Variants in SLC22A24 observed in about 807,000 individuals in gnomAD.
SLC22A24 encodes steroid transmembrane transporter SLC22A24.
SLC22A24 carries 53 observed loss-of-function variants against 49.8 expected under a neutral mutation model. The observed-to-expected ratio is 1.06, with a 90% CI of 0.85 to 1.34. SLC22A24 has a LOEUF of 1.34. Among genes scored for constraint, SLC22A24 ranks in the 40% most tolerant of loss-of-function variants. The pLI, the probability that SLC22A24 is intolerant of heterozygous loss-of-function variation, is 0.00. For synonymous variants in SLC22A24, 302 were observed against 256.4 expected (o/e 1.18, Z -1.70); for missense variants, 786 against 675.9 (o/e 1.16, Z -1.81).
chr11:63,102,710 A>G (rs1462905735), intron 5 of SLC22A24, among the ~76,000 whole-genome samples: 1 of 152,162 alleles, frequency 6.6e-6, no homozygotes, highest in East Asian at 1.9e-4. Flanking sequence ...GAGAGGGAAG[A>G]AAACTCATAA....
intron 5 of SLC22A24, 165 bp downstream of exon 5, chr11:63,104,010 A>T (rs1043512295): frequency 1.8e-5 from 11 of 600,658 alleles, no homozygotes; most frequent in Non-Finnish European, 2.7e-5. Context: ...CAATATCTAT[A>T]TCCAAATCTT....
chr11:63,101,126 G>A (rs1263797322), intron 5 of SLC22A24, among the ~76,000 whole-genome samples: 2 of 152,036 alleles, frequency 1.3e-5, no homozygotes, highest in Non-Finnish European at 2.9e-5. Flanking sequence ...TGCAGAATGG[G>A]AGAAAATATT....
At chr11:63,103,870 C>A (rs974136744) in intron 5 of SLC22A24, among the ~76,000 whole-genome samples, 2 of 152,222 alleles carry the variant, frequency 1.3e-5, no homozygotes. Context: ...CCAGAGGGGA[C>A]CATGAGTCAG....
At chr11:63,124,987 A>G (rs946505413) in intron 2 of SLC22A24, among the ~76,000 whole-genome samples, 11 of 151,856 alleles carry the variant, frequency 7.2e-5, no homozygotes, top group Non-Finnish European at 1.6e-4. Flanking sequence ...TAGCATTAGG[A>G]GATATACCTA....
intron 6 of SLC22A24, among the ~76,000 whole-genome samples, chr11:63,093,494 A>G (rs1161084757): frequency 1.3e-5 from 2 of 152,216 alleles, no homozygotes; most frequent in East Asian, 3.8e-4. Flanking sequence ...CATATACACC[A>G]TGGAATACTA....
At chr11:63,084,539 C>G (rs1053422398) in intron 6 of SLC22A24, among the ~76,000 whole-genome samples, 1 of 152,084 alleles carries the variant, frequency 6.6e-6, no homozygotes, top group Non-Finnish European at 1.5e-5. Flanking sequence ...TTTCTTGCAT[C>G]ACAAGAAATG....
intron 6 of SLC22A24, among the ~76,000 whole-genome samples, chr11:63,095,203 C>T (rs932305634): frequency 1.3e-5 from 2 of 152,062 alleles, no homozygotes; most frequent in African/African-American, 4.8e-5. Context: ...TATGGCTAGC[C>T]AGTTGAAGTG....
intron 1 of SLC22A24, 119 bp from the exon 2 acceptor site, chr11:63,134,887 C>A: frequency 1.6e-6 from 1 of 610,448 alleles, no homozygotes; most frequent in Non-Finnish European, 2.9e-6. Flanking sequence ...GGTCCTGCCT[C>A]CCTCTCCAGC....
intron 4 of SLC22A24, chr11:63,115,986 T>C (rs1436404625): frequency 3.1e-6 from 1 of 323,862 alleles, no homozygotes; most frequent in Admixed American, 3.8e-5. Context: ...TGGCTGGCAC[T>C]GCCCGAGCCC....
chr11:63,083,205 G>A (rs1349211927), intron 7 of SLC22A24, 38 bp downstream of exon 7: 6 of 1,491,712 alleles, frequency 4.0e-6, no homozygotes, highest in Admixed American at 2.0e-5. Flanking sequence ...GAGAATGGGG[G>A]TAACTACTTT....
intron 4 of SLC22A24, among the ~76,000 whole-genome samples, chr11:63,108,248 A>G (rs869279266): frequency 6.6e-6 from 1 of 152,098 alleles, no homozygotes; most frequent in African/African-American, 2.4e-5. Flanking sequence ...ATTGATTTGC[A>G]TATGCCGAAC....
chr11:63,115,087 G>T (rs1420636353), intron 4 of SLC22A24, among the ~76,000 whole-genome samples: 2 of 152,178 alleles, frequency 1.3e-5, no homozygotes, highest in African/African-American at 2.4e-5. Context: ...AGAACCACTG[G>T]TCTCTTCAAA....
chr11:63,134,296 A>G (rs915488715), intron 2 of SLC22A24, among the ~76,000 whole-genome samples: 7 of 152,092 alleles, frequency 4.6e-5, no homozygotes, highest in African/African-American at 7.2e-5. Flanking sequence ...ACAAATTTGC[A>G]CTTTCAGACC....
At chr11:63,129,969 CT>C (rs1178165251) in intron 2 of SLC22A24, among the ~76,000 whole-genome samples, 1 of 152,156 alleles carries the variant, frequency 6.6e-6, no homozygotes, top group Non-Finnish European at 1.5e-5. Context: ...CCCTTTATTT[CT>C]TTCTCTTGCC....
In SLC22A24 at chr11:63,080,950, A is replaced by T. The variant is rs1233030573; in HGVS notation, c.1568T>A (p.Leu523His). The T allele has an allele frequency of 2.6e-6, 4 of 1,552,228 alleles. No homozygotes were observed. Among genetic ancestry groups the T allele is most frequent in the Admixed American group, 3.9e-5 (2 of 51,050 alleles). Residue 523 changes from leucine (L) to histidine (H), a missense_variant, in exon 9 of 10, where the codon CTT becomes CAT. By Grantham distance (99) the Leu-to-His change is moderately conservative. Transcript: ENST00000612278. ...TTCCACATCCTGGATGGTGTTAGGA[A>T]GAGGTAGATCCCTGGTTTCTGGAAG... ...LLLPETRDLP[L>H]PNTIQDVEND...
At chr11:63,112,931 C>T (rs1031978427) in intron 4 of SLC22A24, among the ~76,000 whole-genome samples, 3 of 140,630 alleles carry the variant, frequency 2.1e-5, no homozygotes, top group East Asian at 2.2e-4. Context: ...AGGAGAATGG[C>T]GTGAACCCGG....
chr11:63,113,444 G>A (rs894086723), intron 4 of SLC22A24, among the ~76,000 whole-genome samples: 2 of 151,722 alleles, frequency 1.3e-5, no homozygotes, highest in South Asian at 2.1e-4. Flanking sequence ...TGTAAGGCAG[G>A]CCCATTGGTG....
chr11:63,126,869 C>G (rs532583856), intron 2 of SLC22A24, among the ~76,000 whole-genome samples: 2 of 152,088 alleles, frequency 1.3e-5, no homozygotes, highest in East Asian at 1.9e-4. Flanking sequence ...CCATCAGATC[C>G]CTTGTAAGTT....
chr11:63,107,335 C>T (rs1173609591), intron 4 of SLC22A24, among the ~76,000 whole-genome samples: 9 of 152,236 alleles, frequency 5.9e-5, no homozygotes, highest in South Asian at 2.1e-4. Context: ...GTTACTGTAG[C>T]CTTGTAGTGT....
Sources: allele counts gnomAD v4.1 joint callset (sites outside exome capture counted in the v4.1 genomes callset), GRCh38; gene constraint gnomAD v4.1.1; transcripts MANE v1.5; gene names NCBI Gene and HGNC (gene_info 2026-07-23, HGNC 2026-07-21).